Variants in COL14A1 observed in about 807,000 individuals in gnomAD.
COL14A1 encodes the protein collagen alpha-1(XIV) chain.
COL14A1 carries 136 observed loss-of-function variants against 230.3 expected under a neutral mutation model. The observed-to-expected ratio is 0.59, with a 90% CI of 0.51 to 0.68. The LOEUF is 0.68. Among genes scored for constraint, COL14A1 ranks in the 30% least tolerant of loss-of-function variants. The pLI is 0.00. For synonymous variants in COL14A1, 792 were observed against 784.1 expected (o/e 1.01, Z -0.17); for missense variants, 1,976 against 2,215.8 (o/e 0.89, Z 2.17).
intron 4 of COL14A1, among the ~76,000 whole-genome samples, chr8:120,166,994 T>TA (rs1171904886): frequency 4.6e-5 from 7 of 151,502 alleles, no homozygotes; most frequent in African/African-American, 2.4e-5. Context: ...AATGAGGTTT[T>TA]AAAAAATTGT....
intron 2 of COL14A1, 79 bp downstream of exon 2, chr8:120,148,009 C>G (rs113274668): frequency 1.0e-5 from 11 of 1,048,180 alleles, no homozygotes; most frequent in Non-Finnish European, 1.6e-5. Flanking sequence ...TTTTATTTAT[C>G]CTAACAATAT....
At chr8:120,346,213 T>G (rs1003216621) in intron 45 of COL14A1, among the ~76,000 whole-genome samples, 5 of 120,112 alleles carry the variant, frequency 4.2e-5, no homozygotes, top group Admixed American at 8.1e-5. Context: ...ACAGAGATTC[T>G]ACTTAGCCTT....
chr8:120,327,602 T>TTCGAC (rs1236205935), intron 40 of COL14A1, among the ~76,000 whole-genome samples: 2 of 152,150 alleles, frequency 1.3e-5, no homozygotes, highest in African/African-American at 2.4e-5. Context: ...CTGATGTCTT[T>TTCGAC]TCGACTTGCT....
intron 39 of COL14A1, 85 bp downstream of exon 39, chr8:120,315,671 T>G: frequency 1.8e-6 from 2 of 1,140,762 alleles, no homozygotes; most frequent in East Asian, 5.0e-5. Context: ...CTGAAGTCAG[T>G]TGTGATCTTG....
intron 3 of COL14A1, among the ~76,000 whole-genome samples, chr8:120,160,039 A>G (rs1460922425): frequency 1.3e-5 from 2 of 152,144 alleles, no homozygotes; most frequent in Admixed American, 6.5e-5. Flanking sequence ...CATTAGAATG[A>G]CTTCTGGTTG....
chr8:120,266,966 T>C, intron 25 of COL14A1, 83 bp downstream of exon 25: 1 of 1,196,530 alleles, frequency 8.4e-7, no homozygotes, highest in South Asian at 1.2e-5. Flanking sequence ...CAAACCAGGA[T>C]ATTAATAAAG....
intron 8 of COL14A1, among the ~76,000 whole-genome samples, chr8:120,202,496 G>C (rs1304598953): frequency 6.6e-6 from 1 of 152,090 alleles, no homozygotes; most frequent in African/African-American, 2.4e-5. Flanking sequence ...GGATTATAAA[G>C]AAATCCTCCT....
intron 45 of COL14A1, among the ~76,000 whole-genome samples, chr8:120,365,351 G>T (rs1328965384): frequency 6.6e-6 from 1 of 152,118 alleles, no homozygotes; most frequent in South Asian, 2.1e-4. Flanking sequence ...TCTTAATCAG[G>T]AACAGCCTGG....
chr8:120,331,615 C>T (rs1411402555), intron 40 of COL14A1, among the ~76,000 whole-genome samples: 2 of 152,200 alleles, frequency 1.3e-5, no homozygotes, highest in African/African-American at 2.4e-5. Context: ...TGTAAGCCCA[C>T]GATGACACTC....
chr8:120,303,937 A>G (rs1168337748), intron 36 of COL14A1, among the ~76,000 whole-genome samples: 3 of 152,076 alleles, frequency 2.0e-5, no homozygotes, highest in Admixed American at 6.5e-5. Flanking sequence ...TGGTCTGTTC[A>G]GGGAATCAAT....
chr8:120,139,513 AC>A (rs1814828780), intron 1 of COL14A1, among the ~76,000 whole-genome samples: 1 of 152,166 alleles, frequency 6.6e-6, no homozygotes, highest in African/African-American at 2.4e-5. Flanking sequence ...TTTTGCCTAA[AC>A]TTTTTTGCCA....
intron 23 of COL14A1, among the ~76,000 whole-genome samples, chr8:120,256,312 C>T (rs537110471): frequency 6.6e-6 from 1 of 152,282 alleles, no homozygotes; most frequent in South Asian, 2.1e-4. Flanking sequence ...GCCCATATTC[C>T]TGACTATAGC....
chr8:120,151,241 A>G (rs1815268197), intron 2 of COL14A1, among the ~76,000 whole-genome samples: 1 of 152,196 alleles, frequency 6.6e-6, no homozygotes, highest in Non-Finnish European at 1.5e-5. Context: ...AATAAAAAAT[A>G]TGAATTGCTT....
intron 14 of COL14A1, among the ~76,000 whole-genome samples, chr8:120,220,556 G>A (rs936817909): frequency 6.6e-6 from 1 of 152,084 alleles, no homozygotes; most frequent in Admixed American, 6.5e-5. Flanking sequence ...ACAGGTGTGA[G>A]CCACCGCGCC....
Position 120,345,516 on chromosome 8 carries a change from C to A in COL14A1, c.5030C>A (p.Pro1677Gln), listed in dbSNP as rs778803301. ...APGEQGPPGT[P>Q]GFPGNAGVPG... ...GGTGAACAAGGACCCCCAGGCACAC[C>A]AGGCTTCCCCGGAAATGCAGGCGTG... The change falls in exon 45 of 48, where the codon CCA becomes CAA. Residue 1677 changes from proline to glutamine, a missense_variant. Coordinates refer to ENST00000297848, the MANE Select transcript of COL14A1 (RefSeq NM_021110.4). 10 of 1,577,952 alleles carry A rather than the reference C, an allele frequency of 6.3e-6. No homozygotes were observed. The highest frequency in any genetic ancestry group is 8.6e-6 in the Non-Finnish European group (10 of 1,167,464).
intron 24 of COL14A1, among the ~76,000 whole-genome samples, chr8:120,266,103 G>T (rs766434612): frequency 2.6e-5 from 4 of 151,942 alleles, no homozygotes; most frequent in Admixed American, 2.0e-4. Context: ...AAATGAATAC[G>T]TAATAACATC....
Position 120,235,442 on chromosome 8 carries a change from T to A in COL14A1, c.2349+3824T>A, listed in dbSNP as rs1010892662. On this transcript the variant is annotated intron_variant, in intron 19 of 47. Coordinates refer to ENST00000297848, the MANE Select transcript of COL14A1 (RefSeq NM_021110.4). ...CCTTGGCCTCCCAAAGTGCTGGGAT[T>A]ACAGGCATGCACCACCCCTGCCCCC... is the stretch of plus-strand genomic sequence containing the variant. Among the ~76,000 whole-genome samples the A allele has an allele frequency of 9.8e-5, 15 of 152,302 alleles. 2 individuals are homozygous for A. The South Asian group carries it at 3.1e-3, about 32-fold the overall frequency.
rs375007222 is a variant in COL14A1, at chr8:120,203,704, G to A, written c.878-5G>A. On this transcript the variant is annotated splice_region_variant and splice_polypyrimidine_tract_variant and intron_variant, in intron 8 of 47. Transcript: ENST00000297848. Reference sequence around the variant, plus strand: ...CACCATTCTCTTTTTTGTCCTCTGTGTAAGGGGTGAAAAACGCGGATGTGA... The same window carrying A: ...CACCATTCTCTTTTTTGTCCTCTGTATAAGGGGTGAAAAACGCGGATGTGA... The A allele has an allele frequency of 6.2e-7, 1 of 1,613,594 alleles. No individual in the cohort carries two copies. Among genetic ancestry groups the A allele is most frequent in the Middle Eastern group, 1.7e-4 (1 of 6,042 alleles).
chr8:120,184,224 G>GATTGATTGATTTATTT (rs1554603425), intron 5 of COL14A1, among the ~76,000 whole-genome samples: 2 of 135,574 alleles, frequency 1.5e-5, no homozygotes, highest in South Asian at 2.6e-4. Context: ...GGGGGGAAGA[G>GATTGATTGATTTATTT]ATTTATTTAT....
Sources: gnomAD v4.1 joint callset for allele counts (sites outside exome capture counted in the v4.1 genomes callset) on GRCh38, gnomAD v4.1.1 for gene constraint, MANE v1.5 for transcripts, NCBI Gene and HGNC (gene_info 2026-07-23, HGNC 2026-07-21) for gene names.